Variants in SEPTIN9 observed in about 807,000 individuals in gnomAD.
The protein encoded by SEPTIN9 is septin 9, also known as septin-9.
Under a neutral mutation model 56.6 loss-of-function variants are expected in SEPTIN9, and 13 were observed. The ratio of observed to expected loss-of-function variants is 0.23; its 90% CI spans 0.15 to 0.37. The LOEUF is 0.37. SEPTIN9 is among the 10% of genes least tolerant of loss of function. The pLI, the probability that SEPTIN9 is intolerant of heterozygous loss-of-function variation, is 1.00. For missense variants in SEPTIN9, 650 were observed against 823.1 expected, an observed-to-expected ratio of 0.79 and a Z score of 2.57; for synonymous variants, 332 against 334.1, an observed-to-expected ratio of 0.99 and a Z score of 0.07.
At position 77,427,594 on chromosome 17, in the gene SEPTIN9, C is replaced by T. The variant is rs1385746413; in HGVS notation, c.721+24891C>T. ...TCATACACTGTATTGAGATGGGATCCGAGGCCGGGAAGAACAGCTTCTTCT... is the reference window on the plus strand; with the variant it reads ...TCATACACTGTATTGAGATGGGATCTGAGGCCGGGAAGAACAGCTTCTTCT... On this transcript the variant is annotated intron_variant, in intron 3 of 11. Transcript: ENST00000427177. Among the ~76,000 whole-genome samples the T allele has an allele frequency of 6.6e-5, 10 of 152,260 alleles. No individual in the cohort carries two copies. The South Asian group carries it at 1.5e-3, about 22-fold the overall frequency.
At chr17:77,460,141 C>T (rs1251873340) in intron 3 of SEPTIN9, among the ~76,000 whole-genome samples, 1 of 150,802 alleles carries the variant, frequency 6.6e-6, no homozygotes, top group Non-Finnish European at 1.5e-5. Flanking sequence ...GGGACAACGT[C>T]CAAACCATAT....
chr17:77,497,311 C>G lies in SEPTIN9; in HGVS notation c.1574-4C>G, dbSNP rs750223540. The G allele has an allele frequency of 3.1e-6, 5 of 1,613,544 alleles. No individual in the cohort carries two copies. In the South Asian group the frequency reaches 5.5e-5, roughly 18 times the overall value. Reference sequence around the variant, plus strand: ...ATTAAAGCCCCTCCTGTCTCCTCTCCTAGTTGAAAACACCACACACTGTGA... The same window carrying G: ...ATTAAAGCCCCTCCTGTCTCCTCTCGTAGTTGAAAACACCACACACTGTGA... On this transcript the variant is annotated splice_region_variant and splice_polypyrimidine_tract_variant and intron_variant, in intron 10 of 11. Coordinates refer to ENST00000427177, the MANE Select transcript of SEPTIN9 (RefSeq NM_001113491.2).
Position 77,487,341 on chromosome 17 carries a change from T to C in SEPTIN9, c.914-83T>C. On this transcript the variant is annotated intron_variant, in intron 4 of 11. Transcript: ENST00000427177. The surrounding 1 kb of genome is among the most constrained non-coding windows in gnomAD (Gnocchi z 4.3). The stretch of plus-strand genomic sequence containing the variant: ...CTGAATCTCAGACTGGAGAGCCTCG[T>C]GCCTGGGTGGGAGGGGCCCCATGTG... 1 of 1,456,324 alleles carries C rather than the reference T, an allele frequency of 6.9e-7. No individual in the cohort carries two copies. Among genetic ancestry groups the C allele is most frequent in the Admixed American group, 2.0e-5 (1 of 50,836 alleles). 90.2% of individuals were successfully genotyped at this position (1,456,324 alleles called of 1,614,324 possible).
chr17:77,365,152 C>T (rs1188128916), intron 2 of SEPTIN9, among the ~76,000 whole-genome samples: 3 of 152,192 alleles, frequency 2.0e-5, no homozygotes, highest in Admixed American at 2.0e-4. Context: ...GAAAGAGCCG[C>T]CACCCACCCA....
chr17:77,465,887 G>A (rs191100661), intron 3 of SEPTIN9, among the ~76,000 whole-genome samples: 139 of 152,138 alleles, frequency 9.1e-4, no homozygotes, highest in African/African-American at 3.0e-3. Flanking sequence ...CTGAGGCTGG[G>A]GGAAGTGACT....
At chr17:77,374,266 GCTCT>G (rs2034835080) in intron 2 of SEPTIN9, 1 of 152,598 alleles carries the variant, frequency 6.6e-6, no homozygotes, top group African/African-American at 2.4e-5. Flanking sequence ...GAGTATTTTG[GCTCT>G]CTCCTGTCTT....
At chr17:77,485,745 G>A (rs2039748959) in intron 4 of SEPTIN9, among the ~76,000 whole-genome samples, 1 of 152,028 alleles carries the variant, frequency 6.6e-6, no homozygotes, top group African/African-American at 2.4e-5. Context: ...GTTCAGGCCA[G>A]GGATTCCCAG....
At chr17:77,295,391 CCAAA>C (rs1348509885) in intron 1 of SEPTIN9, among the ~76,000 whole-genome samples, 1 of 152,074 alleles carries the variant, frequency 6.6e-6, no homozygotes, top group Non-Finnish European at 1.5e-5. Flanking sequence ...TGCTGGGAGC[CCAAA>C]CAAAGGTGGG....
chr17:77,459,078 G>T (rs1004232500), intron 3 of SEPTIN9, among the ~76,000 whole-genome samples: 1 of 152,180 alleles, frequency 6.6e-6, no homozygotes, highest in South Asian at 2.1e-4. Flanking sequence ...CCCACACGTG[G>T]CACCACCAGC....
At chr17:77,364,349 G>A (rs2034509579) in intron 2 of SEPTIN9, among the ~76,000 whole-genome samples, 1 of 152,214 alleles carries the variant, frequency 6.6e-6, no homozygotes, top group Non-Finnish European at 1.5e-5. Flanking sequence ...CTGAGTGTTA[G>A]GGTAATTTGT....
chr17:77,363,002 C>T (rs1298484929), intron 2 of SEPTIN9, among the ~76,000 whole-genome samples: 1 of 152,212 alleles, frequency 6.6e-6, no homozygotes, highest in Non-Finnish European at 1.5e-5. Flanking sequence ...GTGTGAGCCC[C>T]TGGGCATGAC....
At chr17:77,304,771 G>GTT (rs2032194542) in intron 1 of SEPTIN9, among the ~76,000 whole-genome samples, 4 of 152,316 alleles carry the variant, frequency 2.6e-5, no homozygotes, top group African/African-American at 9.6e-5. Flanking sequence ...TCCCAGTAGT[G>GTT]CACTGATGGT....
intron 2 of SEPTIN9, among the ~76,000 whole-genome samples, chr17:77,355,493 TG>T (rs1293539916): frequency 6.6e-6 from 1 of 152,296 alleles, no homozygotes; most frequent in East Asian, 1.9e-4. Context: ...TGTGGCCCAC[TG>T]CTGTGGCTGT....
Position 77,389,855 on chromosome 17 carries a change from G to C in SEPTIN9, c.77-12204G>C, listed in dbSNP as rs535246479. 9.2e-5 allele frequency among the ~76,000 whole-genome samples: 14 copies of C among 152,330 alleles called. No individual in the cohort carries two copies. The highest frequency in any genetic ancestry group is 2.1e-4 in the South Asian group (1 of 4,828). On this transcript the variant is annotated intron_variant, in intron 2 of 11. Coordinates refer to ENST00000427177, the MANE Select transcript of SEPTIN9 (RefSeq NM_001113491.2). The surrounding 1 kb of genome is among the most constrained non-coding windows in gnomAD (Gnocchi z 4.3). The stretch of plus-strand genomic sequence containing the variant: ...AGCAGCTGGTTTAGAACCCGGGGGT[G>C]GGGGGAGCGCTAGACCAGTGCAGCA...
At chr17:77,382,271 C>T (rs573907779) in intron 2 of SEPTIN9, among the ~76,000 whole-genome samples, 4 of 152,326 alleles carry the variant, frequency 2.6e-5, no homozygotes, top group Non-Finnish European at 5.9e-5. Flanking sequence ...TCAGGTGATC[C>T]GCCCACCTTG....
chr17:77,328,426 C>T (rs769994272), intron 2 of SEPTIN9, among the ~76,000 whole-genome samples: 8 of 152,202 alleles, frequency 5.3e-5, no homozygotes, highest in African/African-American at 1.7e-4. Flanking sequence ...AGTGCAGTGG[C>T]GCCATCTCGC....
intron 2 of SEPTIN9, among the ~76,000 whole-genome samples, chr17:77,372,253 C>T (rs893103163): frequency 6.6e-6 from 1 of 152,114 alleles, no homozygotes; most frequent in Non-Finnish European, 1.5e-5. Flanking sequence ...CTTTCCAGGG[C>T]GAGTGGAAGA....
chr17:77,401,849 C>T (rs927789731), intron 2 of SEPTIN9, among the ~76,000 whole-genome samples: 1 of 152,146 alleles, frequency 6.6e-6, no homozygotes, highest in Non-Finnish European at 1.5e-5. Flanking sequence ...CATCTTCCCA[C>T]TCCAGCCTGC....
Position 77,373,775 on chromosome 17 carries a change from C to CGCGCCCTCACAGGACCCTGT in SEPTIN9, c.77-28281_77-28262dup, listed in dbSNP as rs1407393018. 7.9e-5 allele frequency: 62 copies of CGCGCCCTCACAGGACCCTGT among 784,954 alleles called. No homozygotes were observed. The South Asian group carries it at 1.5e-3, about 19-fold the overall frequency. The allele number at this position is 784,954 out of a possible 1,614,324, so 48.6% of individuals were successfully genotyped here. On this transcript the variant is annotated intron_variant, in intron 2 of 11. Transcript: ENST00000427177. ...GTTAGGGGCACCCGCGTAGACCCTG[C>CGCGCCCTCACAGGACCCTGT]GCGCCCTCACAGGACCCTGTGCTCG... is the stretch of plus-strand genomic sequence containing the variant.
Sources: gnomAD v4.1 joint callset for allele counts (sites outside exome capture counted in the v4.1 genomes callset) on GRCh38, gnomAD v4.1.1 for gene constraint, Gnocchi (gnomAD v3.1) non-coding constraint, MANE v1.5 for transcripts, NCBI Gene and HGNC (gene_info 2026-07-23, HGNC 2026-07-21) for gene names.